Variants in S100Z observed in about 807,000 individuals in gnomAD.
S100Z encodes protein S100-Z.
Under a neutral mutation model 8.5 loss-of-function variants are expected in S100Z, and 11 were observed. The observed-to-expected ratio is 1.30, with a 90% CI of 0.82 to 2.15. S100Z has a LOEUF of 2.15. Among genes scored for constraint, S100Z ranks in the 30% most tolerant of loss-of-function variants. The pLI is 0.00. For synonymous variants in S100Z, 34 were observed against 43.8 expected, an observed-to-expected ratio of 0.78 and a Z score of 0.89; for missense variants, 126 against 117.9, an observed-to-expected ratio of 1.07 and a Z score of -0.32.
At chr5:76,878,691 C>G (rs1743287148) in intron 4 of S100Z, among the ~76,000 whole-genome samples, 1 of 152,160 alleles carries the variant, frequency 6.6e-6, no homozygotes, top group Admixed American at 6.5e-5. Flanking sequence ...AATGATTACC[C>G]TAACTACTGT....
the S100Z span, among the ~76,000 whole-genome samples, chr5:76,936,502 C>T: frequency 6.6e-6 from 1 of 151,662 alleles, no homozygotes. Flanking sequence ...CATGAACATA[C>T]AATTTTTTGG....
chr5:76,906,970 G>GTA (rs1744445802), intron 4 of S100Z, among the ~76,000 whole-genome samples: 1 of 26,058 alleles, frequency 3.8e-5, no homozygotes, highest in African/African-American at 3.4e-4. Context: ...ATTCCATTGT[G>GTA]TGTGTGTATA....
chr5:76,894,720 C>T (rs1167759028), intron 4 of S100Z, among the ~76,000 whole-genome samples: 1 of 151,626 alleles, frequency 6.6e-6, no homozygotes, highest in Non-Finnish European at 1.5e-5. Flanking sequence ...CTCAGCCTCC[C>T]GAGTAGCTGG....
At chr5:76,875,254 C>A in intron 2 of S100Z, 50 bp from the exon 3 acceptor site, 1 of 993,200 alleles carries the variant, frequency 1.0e-6, no homozygotes, top group Non-Finnish European at 1.4e-6. Context: ...TTGTAATATT[C>A]TGTTTTAATG....
intron 1 of S100Z, among the ~76,000 whole-genome samples, chr5:76,861,464 A>G (rs924560986): frequency 6.6e-6 from 1 of 151,822 alleles, no homozygotes; most frequent in Non-Finnish European, 1.5e-5. Flanking sequence ...TCAGTCTCCC[A>G]AGTAGCTGGG....
At chr5:76,886,855 A>G (rs1743657977) in intron 4 of S100Z, among the ~76,000 whole-genome samples, 2 of 152,196 alleles carry the variant, frequency 1.3e-5, no homozygotes. Flanking sequence ...TACAAAGTAC[A>G]TTGATCAGTT....
chr5:76,886,738 G>A (rs1172492033), intron 4 of S100Z, among the ~76,000 whole-genome samples: 1 of 152,186 alleles, frequency 6.6e-6, no homozygotes, highest in African/African-American at 2.4e-5. Context: ...TTTTGGGATA[G>A]GCGGTGGAGT....
intron 1 of S100Z, among the ~76,000 whole-genome samples, chr5:76,859,788 AAT>A (rs1751002540): frequency 6.6e-6 from 1 of 151,464 alleles, no homozygotes; most frequent in African/African-American, 2.4e-5. Context: ...AAAAAAAAGA[AAT>A]AAGAAAATGA....
At chr5:76,882,597 G>A (rs930750679) in intron 4 of S100Z, among the ~76,000 whole-genome samples, 2 of 152,224 alleles carry the variant, frequency 1.3e-5, no homozygotes, top group African/African-American at 2.4e-5. Context: ...AGGAGTTGTT[G>A]TTTTGTAGAA....
chr5:76,910,081 C>T (rs1744593365), intron 4 of S100Z, among the ~76,000 whole-genome samples: 1 of 152,104 alleles, frequency 6.6e-6, no homozygotes. Context: ...CATCTGTTGA[C>T]CTGTGTTCTA....
the S100Z span, among the ~76,000 whole-genome samples, chr5:76,931,663 A>G: frequency 6.6e-6 from 1 of 152,204 alleles, no homozygotes; most frequent in African/African-American, 2.4e-5. Flanking sequence ...AAAAGACCAG[A>G]TGGATAGCGA....
At chr5:76,911,928 C>T (rs929338762) in intron 4 of S100Z, among the ~76,000 whole-genome samples, 2 of 152,082 alleles carry the variant, frequency 1.3e-5, no homozygotes, top group Non-Finnish European at 2.9e-5. Context: ...ATAGCCAGGC[C>T]CCTGTATACT....
intron 1 of S100Z, among the ~76,000 whole-genome samples, chr5:76,868,127 C>A (rs560976548): frequency 6.6e-6 from 1 of 152,146 alleles, no homozygotes; most frequent in Non-Finnish European, 1.5e-5. Flanking sequence ...TCTTTTTGAG[C>A]CTTTTGACAT....
chr5:76,869,163 T>C (rs1175450523), intron 1 of S100Z, among the ~76,000 whole-genome samples: 1 of 152,074 alleles, frequency 6.6e-6, no homozygotes. Context: ...CTAAATGCTG[T>C]GGAATGCATA....
At chr5:76,920,001 C>T (rs35305638) in intron 4 of S100Z, among the ~76,000 whole-genome samples, 94,368 of 150,584 alleles carry the variant, frequency 0.63, 29,870 homozygotes, top group Non-Finnish European at 0.65. Flanking sequence ...CTCCGCCTCC[C>T]GAGTTCAAGC....
intron 3 of S100Z, among the ~76,000 whole-genome samples, chr5:76,877,344 A>T (rs1469752589): frequency 6.6e-6 from 1 of 152,078 alleles, no homozygotes; most frequent in East Asian, 1.9e-4. Flanking sequence ...CCCTCTTTCT[A>T]TGTCACTCGA....
At chr5:76,946,829 ACAAT>A in the S100Z span, among the ~76,000 whole-genome samples, 69 of 152,286 alleles carry the variant, frequency 4.5e-4, 1 homozygote, top group East Asian at 0.012. Context: ...AAGAAAATTT[ACAAT>A]CAAAGACATT....
chr5:76,857,006 AG>A (rs1289381525), intron 1 of S100Z, among the ~76,000 whole-genome samples: 2 of 152,184 alleles, frequency 1.3e-5, no homozygotes, highest in African/African-American at 4.8e-5. Context: ...GCATAGTGAA[AG>A]GTCACAGAGG....
At chr5:76,905,632 T>C (rs1183708043) in intron 4 of S100Z, among the ~76,000 whole-genome samples, 1 of 152,108 alleles carries the variant, frequency 6.6e-6, no homozygotes, top group Non-Finnish European at 1.5e-5. Flanking sequence ...CAGGATGGTC[T>C]CGATCTCCTG....
Sources: gnomAD v4.1 joint callset for allele counts (sites outside exome capture counted in the v4.1 genomes callset) on GRCh38, gnomAD v4.1.1 for gene constraint, MANE v1.5 for transcripts, NCBI Gene and HGNC (gene_info 2026-07-23, HGNC 2026-07-21) for gene names.